Variants in MMP25 observed in about 807,000 individuals in gnomAD.
MMP25 encodes matrix metalloproteinase-25.
A neutral mutation model predicts 62.1 loss-of-function variants in MMP25; 68 were observed. The ratio of observed to expected loss-of-function variants is 1.10; its 90% CI spans 0.90 to 1.34. The LOEUF (loss-of-function observed/expected upper bound fraction) is 1.34, where lower values mean the gene tolerates loss of function less well. MMP25 is among the 40% of genes most tolerant of loss of function. MMP25 has a pLI of 0.00. For missense variants in MMP25, 942 were observed against 792.5 expected (o/e 1.19, Z -2.26); for synonymous variants, 407 against 345.6 (o/e 1.18, Z -1.97).
In MMP25 at chr16:3,050,290, G is replaced by A; in HGVS notation, c.405G>A (p.Gln135=). 6.2e-7 allele frequency: 1 copy of A among 1,608,284 alleles called. No individual in the cohort carries two copies. Among genetic ancestry groups the A allele is most frequent in the Non-Finnish European group, 8.5e-7 (1 of 1,175,856 alleles). Residue 135 remains glutamine, a synonymous_variant, in exon 4 of 10, where the codon CAG becomes CAA. Transcript: ENST00000336577. ...TCCCCCAGAGCTCCCAGCTGAGCCA[G>A]GAGACCGTGCGGGTCCTCATGAGCT... ...RSFPQSSQLS[Q]ETVRVLMSYA...
chr16:3,050,299 G>A lies in MMP25; in HGVS notation c.414G>A (p.Val138=), dbSNP rs369759581. Residue 138 remains valine (V), a synonymous_variant, in exon 4 of 10, where the codon GTG becomes GTA. Coordinates refer to ENST00000336577, the MANE Select transcript of MMP25 (RefSeq NM_022468.5). ...PQSSQLSQET[V]RVLMSYALMA... is the part of the protein sequence containing the mutation. ...GCTCCCAGCTGAGCCAGGAGACCGT[G>A]CGGGTCCTCATGAGCTATGCCCTGA... 6.2e-7 allele frequency: 1 copy of A among 1,612,514 alleles called. No individual in the cohort carries two copies. Among genetic ancestry groups the A allele is most frequent in the East Asian group, 2.2e-5 (1 of 44,858 alleles).
chr16:3,058,313 G>T lies in MMP25; in HGVS notation c.1139G>T (p.Gly380Val), dbSNP rs1324397220. 1.3e-6 allele frequency: 2 copies of T among 1,598,680 alleles called. No homozygotes were observed. The highest frequency in any genetic ancestry group is 4.5e-5 in the East Asian group (2 of 44,138). The stretch of plus-strand genomic sequence containing the variant: ...GCCGCCTATGCTCGGCACCGAGACG[G>T]CCGAATCCTCCTCTTTAGCGGTGAG... ...VQAAYARHRD[G>V]RILLFSGPQF... The change falls in exon 8 of 10, where the codon GGC becomes GTC. Residue 380 changes from glycine (G) to valine (V), a missense_variant. By Grantham distance (109) the Gly-to-Val change is moderately radical. Transcript: ENST00000336577.
At chr16:3,048,923 AG>A (rs1369600543) in intron 2 of MMP25, among the ~76,000 whole-genome samples, 1 of 150,834 alleles carries the variant, frequency 6.6e-6, no homozygotes, top group African/African-American at 2.4e-5. Context: ...CTCCTGCCTC[AG>A]CCTCCTGAGT....
rs1353547863 is a variant in MMP25, at chr16:3,056,968, G to A, written c.662-65G>A. 5 of 1,499,436 alleles carry A rather than the reference G, an allele frequency of 3.3e-6. No homozygotes were observed. The African/African-American group carries it at 5.6e-5, about 17-fold the overall frequency. The allele number at this position is 1,499,436 out of a possible 1,614,324, so 92.9% of individuals were successfully genotyped here. ...CTGTTGGCCCCAGCTGCACTCGCAG[G>A]GCCTTCCTGTGGCCCCTTTCCCCAA... is the stretch of plus-strand genomic sequence containing the variant. On this transcript the variant is annotated intron_variant, in intron 4 of 9. Coordinates refer to ENST00000336577, the MANE Select transcript of MMP25 (RefSeq NM_022468.5).
chr16:3,048,472 G>A (rs1321472305), intron 2 of MMP25, among the ~76,000 whole-genome samples: 1 of 152,192 alleles, frequency 6.6e-6, no homozygotes, highest in Non-Finnish European at 1.5e-5. Flanking sequence ...AATTTCAGAT[G>A]GCGGTGAGTG....
intron 4 of MMP25, chr16:3,053,634 G>C (rs1306445725): frequency 6.6e-6 from 1 of 152,050 alleles, no homozygotes; most frequent in South Asian, 2.1e-4. Flanking sequence ...TGGGAGGAAA[G>C]GGTGGAACGT....
In MMP25 at chr16:3,050,288, C is replaced by CAGGAGACCA. The variant is rs778072974; in HGVS notation, c.411_412insAAGGAGACC (p.Thr137_Val138insLysGluThr). On this transcript the variant is annotated inframe_insertion, in exon 4 of 10. Coordinates refer to ENST00000336577, the MANE Select transcript of MMP25 (RefSeq NM_022468.5). Reference sequence around the variant, plus strand: ...CTTCCCCCAGAGCTCCCAGCTGAGCCAGGAGACCGTGCGGGTCCTCATGAG... The same window carrying CAGGAGACCA: ...CTTCCCCCAGAGCTCCCAGCTGAGCCAGGAGACCAAGGAGACCGTGCGGGTCCTCATGAG... The CAGGAGACCA allele has an allele frequency of 1.9e-6, 3 of 1,607,840 alleles. No individual in the cohort carries two copies. The South Asian group carries it at 3.3e-5, about 18-fold the overall frequency.
In MMP25 at chr16:3,057,157, T is replaced by C; in HGVS notation, c.786T>C (p.Pro262=). The change falls in exon 5 of 10, where the codon CCT becomes CCC. Residue 262 remains proline (P), a synonymous_variant. Coordinates refer to ENST00000336577, the MANE Select transcript of MMP25 (RefSeq NM_022468.5). ...RPFYQGPVGD[P]DKYRLSQDDR... is the part of the protein sequence containing the mutation. ...TCTACCAGGGTCCGGTGGGCGACCC[T>C]GACAAGTACCGCCTGTCTCAGGATG... 6 of 1,613,202 alleles carry C rather than the reference T, an allele frequency of 3.7e-6. No homozygotes were observed. Among genetic ancestry groups the C allele is most frequent in the Non-Finnish European group, 5.1e-6 (6 of 1,179,646 alleles).
rs115514829 is a variant in MMP25, at chr16:3,057,695, A to C, written c.1006+82A>C. ...CACTGGGGCTGTGGGCTTACCCTGG[A>C]AGCGGAACTTTTTTCTTCTTTGAGA... On this transcript the variant is annotated intron_variant, in intron 7 of 9. Transcript: ENST00000336577. 1.9e-3 allele frequency: 2,436 copies of C among 1,307,558 alleles called. 43 individuals carry two copies. The African/African-American group carries it at 0.029, about 16-fold the overall frequency. The allele number at this position is 1,307,558 out of a possible 1,614,324, so 81.0% of individuals were successfully genotyped here.
At position 3,059,257 on chromosome 16, in the gene MMP25, G is replaced by A; in HGVS notation, c.*159G>A. The A allele has an allele frequency of 1.2e-6, 1 of 860,218 alleles. No individual in the cohort carries two copies. Among genetic ancestry groups the A allele is most frequent in the Non-Finnish European group, 1.6e-6 (1 of 607,084 alleles). The allele number at this position is 860,218 out of a possible 1,614,324, so 53.3% of individuals were successfully genotyped here. A position where few individuals can be genotyped will look rare whatever the true frequency, so the allele number is the denominator to read the frequency against. On this transcript the variant is annotated 3_prime_UTR_variant, in exon 10 of 10. Coordinates refer to ENST00000336577, the MANE Select transcript of MMP25 (RefSeq NM_022468.5). Reference sequence around the variant, plus strand: ...CAGGGGGGATCTCCCGCGCAGGGGCGGCGGCGGCGGGGACCGGTCGCCTGG... The same window carrying A: ...CAGGGGGGATCTCCCGCGCAGGGGCAGCGGCGGCGGGGACCGGTCGCCTGG...
At chr16:3,049,797 C>T (rs961749881) in intron 2 of MMP25, among the ~76,000 whole-genome samples, 14 of 152,342 alleles carry the variant, frequency 9.2e-5, no homozygotes, top group Admixed American at 3.9e-4. Flanking sequence ...GGCCAGGTGA[C>T]GCCACTCCAA....
At position 3,058,414 on chromosome 16, in the gene MMP25, C is replaced by T; in HGVS notation, c.1162C>T (p.Pro388Ser). 1 of 1,554,682 alleles carries T rather than the reference C, an allele frequency of 6.4e-7. No homozygotes were observed. Among genetic ancestry groups the T allele is most frequent in the Non-Finnish European group, 8.7e-7 (1 of 1,150,204 alleles). ...RDGRILLFSGPQFWVFQDRQL... is the reference protein window; with the variant it reads ...RDGRILLFSGSQFWVFQDRQL... ...ACCTCCCGGCCTCCACCCTGCAGGG[C>T]CCCAGTTCTGGGTGTTCCAGGACCG... is the stretch of plus-strand genomic sequence containing the variant. The change falls in exon 9 of 10, where the codon CCC becomes TCC. Residue 388 changes from proline to serine, a missense_variant and splice_region_variant. By Grantham distance (74) the Pro-to-Ser change is moderately conservative. Transcript: ENST00000336577.
intron 1 of MMP25, 122 bp downstream of exon 1, chr16:3,047,138 G>A: frequency 8.5e-7 from 1 of 1,180,796 alleles, no homozygotes; most frequent in Non-Finnish European, 1.1e-6. Flanking sequence ...AGTGACTGAG[G>A]ATGGGGTCTG....
chr16:3,058,786 C>T, intron 9 of MMP25, 41 bp from the exon 10 acceptor site: 3 of 1,357,254 alleles, frequency 2.2e-6, no homozygotes, highest in Non-Finnish European at 3.0e-6. Context: ...CAGGGAGCGG[C>T]GGGGCGGGGA....
Position 3,050,557 on chromosome 16 carries a change from C to G in MMP25, c.661+11C>G. 1.3e-6 allele frequency: 2 copies of G among 1,525,240 alleles called. No individual in the cohort carries two copies. Among genetic ancestry groups the G allele is most frequent in the Non-Finnish European group, 1.8e-6 (2 of 1,138,102 alleles). 94.5% of individuals were successfully genotyped at this position (1,525,240 alleles called of 1,614,324 possible). ...CTTTTGGGTCAAAAGGTAAAATCTCCTCTCTTATGAGAGATCCTCTTGCCA... is the reference window on the plus strand; with the variant it reads ...CTTTTGGGTCAAAAGGTAAAATCTCGTCTCTTATGAGAGATCCTCTTGCCA... On this transcript the variant is annotated intron_variant, in intron 4 of 9. Transcript: ENST00000336577.
rs1033394306 is a variant in MMP25 at position 3,050,284 on chromosome 16, GA to G, written c.400del (p.Ser134AlafsTer9). 1.2e-6 allele frequency: 2 copies of G among 1,606,798 alleles called. No individual in the cohort carries two copies. Among genetic ancestry groups the G allele is most frequent in the African/African-American group, 2.7e-5 (2 of 74,968 alleles). On this transcript the variant is annotated frameshift_variant, in exon 4 of 10. Transcript: ENST00000336577. LOFTEE classifies it high-confidence loss of function. ...GTTCCTTCCCCCAGAGCTCCCAGCT[GA>G]GCCAGGAGACCGTGCGGGTCCTCAT... ...VRSFPQSSQLSQETVRVLMSY... is the reference protein window; with the variant it reads ...VRSFPQSSQLXQETVRVLMSY...
chr16:3,047,516 G>C lies in MMP25; in HGVS notation c.201G>C (p.Arg67Ser). The part of the protein sequence containing the change: ...KLRDAIKVMQ[R>S]FAGLPETGRM... ...GCGATGCCATCAAAGTCATGCAGAG[G>C]TTCGCGGGGCTGCCGGAGACCGGCC... The change falls in exon 2 of 10, where the codon AGG becomes AGC. Residue 67 changes from arginine to serine, a missense_variant. By Grantham distance (110) the Arg-to-Ser change is moderately radical. Coordinates refer to ENST00000336577, the MANE Select transcript of MMP25 (RefSeq NM_022468.5). 1.2e-6 allele frequency: 2 copies of C among 1,613,726 alleles called. No homozygotes were observed. Among genetic ancestry groups the C allele is most frequent in the Non-Finnish European group, 1.7e-6 (2 of 1,179,954 alleles).
intron 2 of MMP25, among the ~76,000 whole-genome samples, chr16:3,049,058 T>G (rs567977076): frequency 3.9e-4 from 60 of 152,108 alleles, no homozygotes; most frequent in African/African-American, 1.4e-3. Flanking sequence ...TCAGCCCACC[T>G]TGGCCTCCCA....
chr16:3,052,164 C>G (rs1229220240), intron 4 of MMP25: 5 of 151,928 alleles, frequency 3.3e-5, no homozygotes, highest in Non-Finnish European at 5.9e-5. Flanking sequence ...TCCACACATA[C>G]ACACTGAGTG....
Sources: gnomAD v4.1 joint callset for allele counts (sites outside exome capture counted in the v4.1 genomes callset) on GRCh38, gnomAD v4.1.1 for gene constraint, MANE v1.5 for transcripts, NCBI Gene and HGNC (gene_info 2026-07-23, HGNC 2026-07-21) for gene names.